The following DCC variants were observed in gnomAD, a reference collection of about 807,000 sequenced individuals.
DCC encodes netrin receptor DCC.
Under a neutral mutation model 172.5 loss-of-function variants are expected in DCC, and 58 were observed. That is an observed-to-expected ratio of 0.34 (90% CI 0.27 to 0.42). DCC has a LOEUF of 0.42. Among genes scored for constraint, DCC ranks in the 10% least tolerant of loss-of-function variants. The probability of loss-of-function intolerance (pLI) is 1.00; values close to 1 mark genes in which losing one functional copy is unlikely to be tolerated. For synonymous variants in DCC, 709 were observed against 644.5 expected (o/e 1.10, Z -1.52); for missense variants, 1,740 against 1,791.0 (o/e 0.97, Z 0.51).
At chr18:53,171,048 C>A (rs1243959395) in intron 8 of DCC, among the ~76,000 whole-genome samples, 1 of 152,044 alleles carries the variant, frequency 6.6e-6, no homozygotes, top group Non-Finnish European at 1.5e-5. Flanking sequence ...CCATGCCCGG[C>A]TAATTTTTGT....
rs192863881 is a variant in DCC at position 53,465,840 on chromosome 18, C to T, written c.3620-2054C>T. On this transcript the variant is annotated intron_variant, in intron 24 of 28. Transcript: ENST00000442544. ...AGTGTAGTGGCACAACCTCAGCTCA[C>T]TGCAATCTCCGCCTCCCAGGTTCAA... Among the ~76,000 whole-genome samples the T allele has an allele frequency of 4.5e-3, 688 of 152,196 alleles. 11 individuals carry two copies. The highest frequency in any genetic ancestry group is 0.011 in the South Asian group (53 of 4,824).
chr18:52,719,347 A>G (rs1477029516), intron 1 of DCC, among the ~76,000 whole-genome samples: 2 of 152,120 alleles, frequency 1.3e-5, no homozygotes, highest in Non-Finnish European at 2.9e-5. Flanking sequence ...AAGAAAAAAA[A>G]TCAACATTAA....
At chr18:52,773,522 T>TATCTATCTATCTATC (rs1568093891) in intron 2 of DCC, among the ~76,000 whole-genome samples, 83 of 151,376 alleles carry the variant, frequency 5.5e-4, no homozygotes, top group African/African-American at 1.9e-3. Flanking sequence ...ATCTATCTAT[T>TATCTATCTATCTATC]TATCTATCTA....
At chr18:52,809,255 T>G (rs1024026711) in intron 2 of DCC, 3 of 152,478 alleles carry the variant, frequency 2.0e-5, no homozygotes, top group African/African-American at 7.2e-5. Context: ...AAAGTACAAT[T>G]AAACAAGGAA....
At chr18:52,442,701 G>A (rs1004284935) in intron 1 of DCC, among the ~76,000 whole-genome samples, 4 of 152,174 alleles carry the variant, frequency 2.6e-5, no homozygotes, top group African/African-American at 9.7e-5. Flanking sequence ...AAAATAATAT[G>A]CCAAAACATT....
chr18:52,523,370 G>A (rs1434538630), intron 1 of DCC, among the ~76,000 whole-genome samples: 1 of 150,318 alleles, frequency 6.7e-6, no homozygotes, highest in Non-Finnish European at 1.5e-5. Flanking sequence ...GTCAAACTTA[G>A]AGTAGATGAC....
At chr18:53,143,371 T>C (rs2043858935) in intron 7 of DCC, among the ~76,000 whole-genome samples, 1 of 152,204 alleles carries the variant, frequency 6.6e-6, no homozygotes. Flanking sequence ...CTTTTGAGAA[T>C]ACAGGTTGGT....
At chr18:52,694,849 T>G (rs2035987062) in intron 1 of DCC, among the ~76,000 whole-genome samples, 1 of 152,214 alleles carries the variant, frequency 6.6e-6, no homozygotes, top group Non-Finnish European at 1.5e-5. Flanking sequence ...TATCTAAGTT[T>G]CTAATTGTAA....
At chr18:52,849,832 T>A (rs562140635) in intron 2 of DCC, among the ~76,000 whole-genome samples, 16 of 152,290 alleles carry the variant, frequency 1.1e-4, no homozygotes, top group African/African-American at 3.8e-4. Flanking sequence ...TGTTCACATT[T>A]AGGAGGCTTA....
Position 52,905,994 on chromosome 18 carries a change from A to G in DCC, c.413-50A>G, listed in dbSNP as rs527660570. The G allele has an allele frequency of 8.3e-5, 99 of 1,197,888 alleles. 3 individuals carry two copies. The South Asian group carries it at 1.2e-3, about 14-fold the overall frequency. The allele number at this position is 1,197,888 out of a possible 1,614,324, so 74.2% of individuals were successfully genotyped here. On this transcript the variant is annotated intron_variant, in intron 2 of 28. Transcript: ENST00000442544. Reference sequence around the variant, plus strand: ...AAAGTGATTATTTTTATTGGCGATTATTGTGCTTTATTTGGAAGACTTATT... The same window carrying G: ...AAAGTGATTATTTTTATTGGCGATTGTTGTGCTTTATTTGGAAGACTTATT...
intron 1 of DCC, among the ~76,000 whole-genome samples, chr18:52,714,244 G>A (rs565745590): frequency 6.6e-6 from 1 of 151,192 alleles, no homozygotes; most frequent in Non-Finnish European, 1.5e-5. Flanking sequence ...AAGCCTCTCA[G>A]AGCCACTGCA....
At chr18:52,491,504 A>G (rs1444186059) in intron 1 of DCC, among the ~76,000 whole-genome samples, 1 of 152,000 alleles carries the variant, frequency 6.6e-6, no homozygotes, top group African/African-American at 2.4e-5. Flanking sequence ...TGTTTATTTT[A>G]TTTTTCAAAA....
chr18:52,746,508 C>T (rs750882889), intron 1 of DCC, among the ~76,000 whole-genome samples: 1 of 152,096 alleles, frequency 6.6e-6, no homozygotes, highest in African/African-American at 2.4e-5. Context: ...ATTTTTTACA[C>T]TTAACAATGT....
chr18:53,255,954 T>A (rs2056505465), intron 12 of DCC, among the ~76,000 whole-genome samples: 1 of 152,234 alleles, frequency 6.6e-6, no homozygotes, highest in Admixed American at 6.5e-5. Context: ...TGCATTTGCC[T>A]GATAGCCAGT....
intron 1 of DCC, among the ~76,000 whole-genome samples, chr18:52,461,788 G>A (rs181086917): frequency 6.6e-6 from 1 of 152,222 alleles, no homozygotes; most frequent in African/African-American, 2.4e-5. Context: ...CAGTATCATG[G>A]CTTTAAATAT....
intron 1 of DCC, among the ~76,000 whole-genome samples, chr18:52,383,089 T>C (rs1186544330): frequency 6.6e-6 from 1 of 152,166 alleles, no homozygotes; most frequent in Non-Finnish European, 1.5e-5. Context: ...CTAGGATGAA[T>C]GTCTTTGTGC....
intron 12 of DCC, among the ~76,000 whole-genome samples, chr18:53,266,742 G>A (rs983442670): frequency 6.6e-6 from 1 of 151,506 alleles, no homozygotes; most frequent in Non-Finnish European, 1.5e-5. Context: ...ATGTATTTGT[G>A]TATTCTGAAC....
intron 12 of DCC, among the ~76,000 whole-genome samples, chr18:53,256,650 C>T (rs1287139378): frequency 1.3e-5 from 2 of 152,128 alleles, no homozygotes; most frequent in Non-Finnish European, 2.9e-5. Context: ...TAGCATGATG[C>T]CTCCAGCTTT....
intron 1 of DCC, among the ~76,000 whole-genome samples, chr18:52,388,161 C>A (rs531166174): frequency 6.6e-6 from 1 of 151,992 alleles, no homozygotes; most frequent in Non-Finnish European, 1.5e-5. Flanking sequence ...AGTTCTGTCA[C>A]CAACTTGCTT....
Sources: gnomAD v4.1 joint callset for allele counts (sites outside exome capture counted in the v4.1 genomes callset) on GRCh38, gnomAD v4.1.1 for gene constraint, MANE v1.5 for transcripts, NCBI Gene and HGNC (gene_info 2026-07-23, HGNC 2026-07-21) for gene names.